The following AGBL4 variants were observed in gnomAD, a reference collection of about 807,000 sequenced individuals.
AGBL4 encodes the protein AGBL carboxypeptidase 4, also known as cytosolic carboxypeptidase 6.
AGBL4 carries 58 observed loss-of-function variants against 66.4 expected under a neutral mutation model. The ratio of observed to expected loss-of-function variants is 0.87; its 90% CI spans 0.71 to 1.09. The LOEUF (loss-of-function observed/expected upper bound fraction) is 1.09. AGBL4 is among the 50% of genes least tolerant of loss of function. AGBL4 has a pLI of 0.00. For missense variants in AGBL4, 579 were observed against 631.0 expected (o/e 0.92, Z 0.88); for synonymous variants, 234 against 222.9 (o/e 1.05, Z -0.44).
intron 8 of AGBL4, among the ~76,000 whole-genome samples, chr1:48,646,196 G>A (rs1044945162): frequency 1.3e-5 from 2 of 152,104 alleles, no homozygotes; most frequent in Admixed American, 6.5e-5. Context: ...GGCCTGGATC[G>A]GGCACTGGAT....
At chr1:49,926,394 G>A (rs1481229241) in intron 1 of AGBL4, among the ~76,000 whole-genome samples, 1 of 152,146 alleles carries the variant, frequency 6.6e-6, no homozygotes, top group Non-Finnish European at 1.5e-5. Context: ...AAGTCCCTTT[G>A]AATACCTGAA....
chr1:49,677,790 T>C (rs1558155184), intron 3 of AGBL4, among the ~76,000 whole-genome samples: 1 of 152,110 alleles, frequency 6.6e-6, no homozygotes, highest in Non-Finnish European at 1.5e-5. Flanking sequence ...TTGGGATCAG[T>C]ACCCTTATAA....
intron 3 of AGBL4, among the ~76,000 whole-genome samples, chr1:49,342,864 C>T (rs1645567447): frequency 1.3e-5 from 2 of 152,098 alleles, no homozygotes; most frequent in Non-Finnish European, 2.9e-5. Context: ...TTGAAAATAT[C>T]TTGTACACCC....
rs552698692 is a variant in AGBL4 at position 49,649,955 on chromosome 1, C to G, written c.282+47358G>C. Reference sequence around the variant, plus strand: ...TTTGAACTTAATAAAAATGAAAGGACAACTCATCAAAATTTGTGGGATGTA... The same window carrying G: ...TTTGAACTTAATAAAAATGAAAGGAGAACTCATCAAAATTTGTGGGATGTA... On this transcript the variant is annotated intron_variant, in intron 3 of 13. Transcript: ENST00000371839. Among the ~76,000 whole-genome samples, 11 of 152,110 alleles carry G rather than the reference C, an allele frequency of 7.2e-5. No homozygotes were observed. In the South Asian group the frequency reaches 1.7e-3, roughly 23 times the overall value.
At chr1:49,351,199 G>A (rs553506920) in intron 3 of AGBL4, among the ~76,000 whole-genome samples, 7 of 152,128 alleles carry the variant, frequency 4.6e-5, no homozygotes, top group African/African-American at 9.6e-5. Flanking sequence ...TTTTTCCCCC[G>A]AATTTTACAA....
intron 3 of AGBL4, among the ~76,000 whole-genome samples, chr1:49,324,439 C>A (rs866508537): frequency 2.0e-5 from 3 of 152,170 alleles, no homozygotes; most frequent in African/African-American, 7.2e-5. Flanking sequence ...CACACAAAAT[C>A]AAAACTGAGC....
intron 3 of AGBL4, among the ~76,000 whole-genome samples, chr1:49,655,261 A>G (rs1055259572): frequency 6.6e-6 from 1 of 152,136 alleles, no homozygotes; most frequent in Non-Finnish European, 1.5e-5. Context: ...GTTGAATATT[A>G]GCCCCCACTC....
At chr1:48,957,991 GT>G (rs965913701) in intron 5 of AGBL4, among the ~76,000 whole-genome samples, 71 of 147,748 alleles carry the variant, frequency 4.8e-4, no homozygotes, top group East Asian at 1.2e-3. Context: ...CTGCAGGCTT[GT>G]TTTTTTTTTG....
chr1:49,983,390 G>C (rs1260069878), intron 1 of AGBL4, among the ~76,000 whole-genome samples: 1 of 152,232 alleles, frequency 6.6e-6, no homozygotes, highest in Non-Finnish European at 1.5e-5. Context: ...ACCTTGTGCT[G>C]CCTGCCCCAC....
intron 2 of AGBL4, among the ~76,000 whole-genome samples, chr1:49,780,775 T>C (rs1284754790): frequency 6.6e-6 from 1 of 152,040 alleles, no homozygotes; most frequent in East Asian, 1.9e-4. Context: ...TGGGAAATAT[T>C]CACTTAATTC....
intron 6 of AGBL4, among the ~76,000 whole-genome samples, chr1:48,825,855 G>T (rs1646416713): frequency 6.6e-6 from 1 of 152,174 alleles, no homozygotes; most frequent in South Asian, 2.1e-4. Context: ...TCTTCTATGG[G>T]CAATGGGGAG....
chr1:50,009,943 A>G (rs1393876065), intron 1 of AGBL4, among the ~76,000 whole-genome samples: 1 of 152,178 alleles, frequency 6.6e-6, no homozygotes, highest in Admixed American at 6.5e-5. Context: ...ACTTAACCAA[A>G]GAAGTGAAAG....
chr1:48,991,358 C>T (rs1178451058), intron 5 of AGBL4, among the ~76,000 whole-genome samples: 3 of 152,078 alleles, frequency 2.0e-5, no homozygotes, highest in African/African-American at 4.8e-5. Flanking sequence ...GCCAGATGTA[C>T]TGGAGTTCCA....
intron 3 of AGBL4, among the ~76,000 whole-genome samples, chr1:49,487,354 G>T (rs900324342): frequency 6.6e-6 from 1 of 151,856 alleles, no homozygotes; most frequent in Non-Finnish European, 1.5e-5. Flanking sequence ...GAGAAGTTTT[G>T]CTCTGTGTCC....
intron 5 of AGBL4, among the ~76,000 whole-genome samples, chr1:49,016,236 G>C (rs1662815172): frequency 6.6e-6 from 1 of 152,204 alleles, no homozygotes; most frequent in Non-Finnish European, 1.5e-5. Context: ...TACCCCCTCA[G>C]CATGCCAGTG....
At chr1:49,110,312 G>T (rs1645380861) in intron 4 of AGBL4, among the ~76,000 whole-genome samples, 2 of 152,132 alleles carry the variant, frequency 1.3e-5, no homozygotes, top group African/African-American at 4.8e-5. Flanking sequence ...TATCTAAGTA[G>T]AAGGATTACA....
At chr1:49,021,599 C>T (rs532784207) in intron 5 of AGBL4, among the ~76,000 whole-genome samples, 9 of 152,154 alleles carry the variant, frequency 5.9e-5, no homozygotes, top group Non-Finnish European at 1.5e-5. Context: ...TATTTTGGCA[C>T]CCTTACCTCA....
chr1:49,122,545 C>T (rs1348232720), intron 4 of AGBL4, among the ~76,000 whole-genome samples: 2 of 152,108 alleles, frequency 1.3e-5, no homozygotes, highest in African/African-American at 4.8e-5. Context: ...GGTTGTGACT[C>T]TTAAAATAAT....
At chr1:49,564,848 T>G (rs1644151792) in intron 3 of AGBL4, among the ~76,000 whole-genome samples, 2 of 152,202 alleles carry the variant, frequency 1.3e-5, no homozygotes, top group African/African-American at 2.4e-5. Flanking sequence ...CTGAGTTCAA[T>G]TCCTGGATAT....
Sources: allele counts gnomAD v4.1 joint callset (sites outside exome capture counted in the v4.1 genomes callset), GRCh38; gene constraint gnomAD v4.1.1; transcripts MANE v1.5; gene names NCBI Gene and HGNC (gene_info 2026-07-23, HGNC 2026-07-21).